MCF2L2: variants seen among roughly 807,000 people sequenced by gnomAD.
MCF2L2 encodes probable guanine nucleotide exchange factor MCF2L2.
MCF2L2 carries 102 observed loss-of-function variants against 150.2 expected under a neutral mutation model. That is an observed-to-expected ratio of 0.68 (90% confidence interval 0.58 to 0.80). MCF2L2 has a LOEUF of 0.80. Ranked by LOEUF, MCF2L2 falls within the 30% of genes least tolerant of loss-of-function variation. MCF2L2 has a pLI of 0.00. For missense variants in MCF2L2, 1,256 were observed against 1,372.8 expected (o/e 0.91, Z 1.34); for synonymous variants, 465 against 491.3 (o/e 0.95, Z 0.71).
chr3:183,233,235 C>T lies in MCF2L2; in HGVS notation c.1863-2218G>A, dbSNP rs149912937. ...GGTGTGGTAGCGCATGCTTGTAATC[C>T]CAGCTACTTGGGAGGGTGACGCAGG... On this transcript the variant is annotated intron_variant, in intron 15 of 29. Transcript: ENST00000328913. Among the ~76,000 whole-genome samples, 1,095 of 151,920 alleles carry T rather than the reference C, an allele frequency of 7.2e-3. 5 individuals are homozygous for T. The highest frequency in any genetic ancestry group is 0.026 in the African/African-American group (1,058 of 41,412).
intron 15 of MCF2L2, among the ~76,000 whole-genome samples, chr3:183,252,910 C>T (rs1724630702): frequency 1.3e-5 from 2 of 152,192 alleles, no homozygotes; most frequent in African/African-American, 2.4e-5. Context: ...CATTTATAAT[C>T]TCTCTCGTTG....
chr3:183,360,115 G>A (rs987700547), intron 3 of MCF2L2, among the ~76,000 whole-genome samples: 3 of 152,166 alleles, frequency 2.0e-5, no homozygotes, highest in African/African-American at 4.8e-5. Context: ...TAGAAGACAC[G>A]GTGAAAATGT....
At chr3:183,427,232 T>G (rs1178994830) in intron 1 of MCF2L2, among the ~76,000 whole-genome samples, 2 of 152,216 alleles carry the variant, frequency 1.3e-5, no homozygotes, top group African/African-American at 4.8e-5. Context: ...TTGCCCTTAC[T>G]TAGTCTGTGG....
intron 4 of MCF2L2, among the ~76,000 whole-genome samples, chr3:183,339,761 G>A (rs1730627079): frequency 6.6e-6 from 1 of 151,940 alleles, no homozygotes; most frequent in Admixed American, 6.6e-5. Flanking sequence ...CTCCTATGGG[G>A]ATTTTTTTTT....
At chr3:183,332,500 G>A (rs996498787) in intron 5 of MCF2L2, among the ~76,000 whole-genome samples, 2 of 151,020 alleles carry the variant, frequency 1.3e-5, no homozygotes, top group African/African-American at 4.9e-5. Context: ...GAGAAGGAGG[G>A]CATAAGTCAC....
Position 183,289,167 on chromosome 3 carries a change from A to G in MCF2L2, c.1729T>C (p.Leu577=). The change falls in exon 14 of 30, where the codon TTG becomes CTG. Residue 577 remains leucine, a synonymous_variant. Coordinates refer to ENST00000328913, the MANE Select transcript of MCF2L2 (RefSeq NM_015078.4). The part of the protein sequence containing the change: ...TSEEPYTETE[L]NSRGKEDDET... ...TCATCTTCCTTTCCCCGGGAGTTCA[A>G]CTCTGTCTCCGTATAAGGTTCCTCA... The G allele has an allele frequency of 6.2e-7, 1 of 1,613,948 alleles. No individual in the cohort carries two copies. Among genetic ancestry groups the G allele is most frequent in the East Asian group, 2.2e-5 (1 of 44,876 alleles).
chr3:183,257,827 C>G (rs939437450), intron 15 of MCF2L2, among the ~76,000 whole-genome samples: 6 of 152,066 alleles, frequency 3.9e-5, no homozygotes, highest in African/African-American at 1.5e-4. Flanking sequence ...TCCCTTTACC[C>G]TAACTTCTAG....
At chr3:183,199,066 T>A (rs1722168804) in intron 25 of MCF2L2, among the ~76,000 whole-genome samples, 1 of 152,184 alleles carries the variant, frequency 6.6e-6, no homozygotes, top group Non-Finnish European at 1.5e-5. Context: ...AATCAAGAAC[T>A]TATGTTGCTT....
At position 183,247,797 on chromosome 3, in the gene MCF2L2, T is replaced by C. The variant is rs150589290; in HGVS notation, c.1863-16780A>G. Among the ~76,000 whole-genome samples the C allele has an allele frequency of 3.8e-3, 577 of 152,152 alleles. 1 individual carries two copies. The highest frequency in any genetic ancestry group is 0.014 in the African/African-American group (564 of 41,502). On this transcript the variant is annotated intron_variant, in intron 15 of 29. Transcript: ENST00000328913. ...AGATTATTTAAAACATATGGGAGAG[T>C]GTGCATAGGTTATATGCAAATACTA...
In MCF2L2 at chr3:183,362,924, T is replaced by C. The variant is rs146311652; in HGVS notation, c.275+16373A>G. ...TTATAAAGAAATGTTATCTAAAATA[T>C]ACAAAGAACTGTTAAAACTCAACAA... On this transcript the variant is annotated intron_variant, in intron 3 of 29. Transcript: ENST00000328913. 3.5e-3 allele frequency among the ~76,000 whole-genome samples: 534 copies of C among 152,256 alleles called. 3 individuals are homozygous for C. The highest frequency in any genetic ancestry group is 0.012 in the African/African-American group (516 of 41,556).
intron 3 of MCF2L2, chr3:183,373,843 C>A (rs2089587): frequency 0.32 from 47,868 of 151,904 alleles, 11,635 homozygotes; most frequent in African/African-American, 0.68. Flanking sequence ...GACCATCAAA[C>A]CCAAAATGAG....
intron 1 of MCF2L2, among the ~76,000 whole-genome samples, chr3:183,393,173 A>G (rs1442525227): frequency 1.4e-5 from 2 of 147,186 alleles, no homozygotes; most frequent in African/African-American, 2.5e-5. Flanking sequence ...GCATGCACAG[A>G]TTAGGGAGAA....
rs1721953119 is a variant in MCF2L2, at chr3:183,193,036, G to A, written c.2979C>T (p.Ser993=). The change falls in exon 27 of 30, where the codon AGC becomes AGT. Residue 993 remains serine, a synonymous_variant. Transcript: ENST00000328913. ...CTGTGCTGGAGGCCGGGTCTTCCTTGCTAGTGGTAGCTCTTTCCATATTTT... is the reference window on the plus strand; with the variant it reads ...CTGTGCTGGAGGCCGGGTCTTCCTTACTAGTGGTAGCTCTTTCCATATTTT... ...WIKNMERATT[S]KEDPASSTGG... The A allele has an allele frequency of 6.2e-7, 1 of 1,614,016 alleles. No individual in the cohort carries two copies. The highest frequency in any genetic ancestry group is 1.3e-5 in the African/African-American group (1 of 74,906).
In MCF2L2 at chr3:183,351,236, ATT is replaced by A. The variant is rs71185652; in HGVS notation, c.276-9608_276-9607del. Among the ~76,000 whole-genome samples, 365 of 70,096 alleles carry A rather than the reference ATT, an allele frequency of 5.2e-3. 1 individual carries two copies. Among genetic ancestry groups the A allele is most frequent in the African/African-American group, 8.0e-3 (100 of 12,454 alleles). The allele number at this position is 70,096 out of a possible 152,430, so 46.0% of individuals were successfully genotyped here. A position where few individuals can be genotyped will look rare whatever the true frequency, so the allele number is the denominator to read the frequency against. ...TATATATATATATATATATATATATATTTATTTATTTATTTATCAGAACCCCA... is the reference window on the plus strand; with the variant it reads ...TATATATATATATATATATATATATATATTTATTTATTTATCAGAACCCCA... On this transcript the variant is annotated intron_variant, in intron 3 of 29. Coordinates refer to ENST00000328913, the MANE Select transcript of MCF2L2 (RefSeq NM_015078.4).
In MCF2L2 at chr3:183,222,855, C is replaced by CAG. The variant is rs141782731; in HGVS notation, c.2301+489_2301+490dup. ...CTTATCACTAAGGAGGGGTAAAGGT[C>CAG]AGAGAGAGAGAGAGAAAACCACTTA... On this transcript the variant is annotated intron_variant, in intron 20 of 29. Transcript: ENST00000328913. Among the ~76,000 whole-genome samples, 868 of 151,072 alleles carry CAG rather than the reference C, an allele frequency of 5.7e-3. 4 individuals are homozygous for CAG. Among genetic ancestry groups the CAG allele is most frequent in the African/African-American group, 0.02 (824 of 41,312 alleles).
intron 3 of MCF2L2, chr3:183,372,087 C>T (rs569270972): frequency 1.3e-5 from 2 of 151,752 alleles, no homozygotes; most frequent in South Asian, 4.2e-4. Flanking sequence ...GTCTGATGCA[C>T]TTCCCAGCTT....
chr3:183,217,519 T>C (rs1311415887), intron 21 of MCF2L2, among the ~76,000 whole-genome samples: 1 of 151,986 alleles, frequency 6.6e-6, no homozygotes, highest in East Asian at 1.9e-4. Context: ...CTGAGTATCA[T>C]ATTCCTATAT....
At chr3:183,327,239 C>A (rs556311973) in intron 5 of MCF2L2, among the ~76,000 whole-genome samples, 1 of 151,960 alleles carries the variant, frequency 6.6e-6, no homozygotes, top group Non-Finnish European at 1.5e-5. Flanking sequence ...GCAGGAGAAT[C>A]GCTTGAACCT....
intron 10 of MCF2L2, among the ~76,000 whole-genome samples, chr3:183,302,191 C>G (rs369292273): frequency 6.6e-6 from 1 of 152,326 alleles, no homozygotes; most frequent in Non-Finnish European, 1.5e-5. Context: ...AAGCTTGTGC[C>G]TGGTTTCCTC....
Sources: gnomAD v4.1 joint callset for allele counts (sites outside exome capture counted in the v4.1 genomes callset) on GRCh38, gnomAD v4.1.1 for gene constraint, MANE v1.5 for transcripts, NCBI Gene and HGNC (gene_info 2026-07-23, HGNC 2026-07-21) for gene names.